The following CTNND2 variants were observed in gnomAD, a reference collection of about 807,000 sequenced individuals.
CTNND2 encodes catenin delta-2.
CTNND2 carries 22 observed loss-of-function variants against 144.4 expected under a neutral mutation model. The observed-to-expected ratio is 0.15, with a 90% CI of 0.11 to 0.22. The LOEUF is 0.22. Ranked by LOEUF, CTNND2 falls within the 10% of genes least tolerant of loss-of-function variation. CTNND2 has a pLI of 1.00. For synonymous variants in CTNND2, 751 were observed against 695.6 expected, an observed-to-expected ratio of 1.08 and a Z score of -1.25; for missense variants, 1,353 against 1,618.8, an observed-to-expected ratio of 0.84 and a Z score of 2.82.
At chr5:11,716,435 ATTAT>A (rs972542962) in intron 2 of CTNND2, among the ~76,000 whole-genome samples, 1 of 152,176 alleles carries the variant, frequency 6.6e-6, no homozygotes, top group African/African-American at 2.4e-5. Context: ...AATAAGAGAG[ATTAT>A]TTACTTTGGT....
chr5:11,361,145 C>A (rs572748184), intron 8 of CTNND2, among the ~76,000 whole-genome samples: 22 of 152,108 alleles, frequency 1.4e-4, no homozygotes, highest in Admixed American at 1.4e-3. Flanking sequence ...CTCAGCATCC[C>A]GAGTAGCTGG....
chr5:11,860,884 C>T (rs1399458642), intron 1 of CTNND2, among the ~76,000 whole-genome samples: 1 of 152,210 alleles, frequency 6.6e-6, no homozygotes, highest in East Asian at 1.9e-4. Flanking sequence ...GCCATCTACA[C>T]ATTACTATAA....
At position 11,876,715 on chromosome 5, in the gene CTNND2, T is replaced by C. The variant is rs114001123; in HGVS notation, c.37+27102A>G. Among the ~76,000 whole-genome samples, 1,351 of 152,338 alleles carry C rather than the reference T, an allele frequency of 8.9e-3. 17 individuals carry two copies. The highest frequency in any genetic ancestry group is 0.031 in the African/African-American group (1,292 of 41,580). On this transcript the variant is annotated intron_variant, in intron 1 of 21. Coordinates refer to ENST00000304623, the MANE Select transcript of CTNND2 (RefSeq NM_001332.4). ...AATAATGATGTAGATTGAAAAGGTGTTCAAAGCTAGCATTGTTTAAGTTTA... is the reference window on the plus strand; with the variant it reads ...AATAATGATGTAGATTGAAAAGGTGCTCAAAGCTAGCATTGTTTAAGTTTA...
chr5:11,269,761 A>G (rs1248059705), intron 9 of CTNND2, among the ~76,000 whole-genome samples: 1 of 152,202 alleles, frequency 6.6e-6, no homozygotes, highest in African/African-American at 2.4e-5. Context: ...CTGCAGAATG[A>G]TTTTTACAGG....
chr5:11,008,205 T>A (rs565182543), intron 18 of CTNND2, among the ~76,000 whole-genome samples: 1 of 152,286 alleles, frequency 6.6e-6, no homozygotes, highest in East Asian at 1.9e-4. Flanking sequence ...ATAGAAGATG[T>A]CACCATCCTA....
intron 12 of CTNND2, among the ~76,000 whole-genome samples, chr5:11,133,785 G>A (rs919360202): frequency 1.3e-5 from 2 of 152,212 alleles, no homozygotes; most frequent in Admixed American, 1.3e-4. Context: ...GAATAATGTT[G>A]GAAAATGCGT....
chr5:11,512,875 A>G (rs972798257), intron 3 of CTNND2, among the ~76,000 whole-genome samples: 3 of 152,214 alleles, frequency 2.0e-5, no homozygotes, highest in Non-Finnish European at 4.4e-5. Context: ...GAGAAAAGAC[A>G]GATGCTCCCA....
intron 16 of CTNND2, among the ~76,000 whole-genome samples, chr5:11,049,643 G>A (rs1000094781): frequency 6.6e-6 from 1 of 152,110 alleles, no homozygotes; most frequent in African/African-American, 2.4e-5. Context: ...TCATTACAAG[G>A]CTTCTTGAAA....
chr5:11,845,481 T>C (rs1794690656), intron 1 of CTNND2, among the ~76,000 whole-genome samples: 2 of 152,140 alleles, frequency 1.3e-5, no homozygotes, highest in Admixed American at 1.3e-4. Flanking sequence ...CCAATATGAC[T>C]AGTGTCCTTA....
At chr5:11,064,366 A>C (rs1321890248) in intron 16 of CTNND2, among the ~76,000 whole-genome samples, 1 of 152,150 alleles carries the variant, frequency 6.6e-6, no homozygotes, top group Non-Finnish European at 1.5e-5. Flanking sequence ...CTGAGCAGAG[A>C]CTAGATAACA....
chr5:10,990,272 C>G lies in CTNND2; in HGVS notation c.3212-2030G>C, dbSNP rs1056737109. Among the ~76,000 whole-genome samples, 21 of 152,300 alleles carry G rather than the reference C, an allele frequency of 1.4e-4. No homozygotes were observed. The East Asian group carries it at 4.0e-3, about 29-fold the overall frequency. ...GGCCATCTCTGTCCCGAATGTGAAT[C>G]TGGGGAGATGTGAGGGGCAGCCACT... On this transcript the variant is annotated intron_variant, in intron 19 of 21. Transcript: ENST00000304623.
At chr5:11,637,654 T>C (rs1343181578) in intron 2 of CTNND2, among the ~76,000 whole-genome samples, 1 of 152,186 alleles carries the variant, frequency 6.6e-6, no homozygotes. Flanking sequence ...ACATTTATAT[T>C]TTAGTAACAT....
At chr5:11,798,259 C>CAAA (rs78238644) in intron 1 of CTNND2, among the ~76,000 whole-genome samples, 2 of 60,454 alleles carry the variant, frequency 3.3e-5, no homozygotes, top group Non-Finnish European at 7.0e-5. Context: ...GAGACTGTTT[C>CAAA]AAAAAAAAAA....
intron 1 of CTNND2, among the ~76,000 whole-genome samples, chr5:11,859,186 T>C (rs769405891): frequency 4.6e-5 from 7 of 152,182 alleles, no homozygotes; most frequent in Non-Finnish European, 8.8e-5. Flanking sequence ...CTTTCCTGTA[T>C]GGAGTCTTCA....
At chr5:11,514,724 C>T (rs1171133700) in intron 3 of CTNND2, among the ~76,000 whole-genome samples, 2 of 152,202 alleles carry the variant, frequency 1.3e-5, no homozygotes, top group Non-Finnish European at 2.9e-5. Context: ...CTAAAGTACC[C>T]ATTTGCTTCG....
At chr5:11,562,214 T>C (rs1349980546) in intron 3 of CTNND2, among the ~76,000 whole-genome samples, 2 of 152,216 alleles carry the variant, frequency 1.3e-5, no homozygotes, top group African/African-American at 4.8e-5. Context: ...AAGAAACTCT[T>C]TTACTCACTC....
chr5:11,526,601 A>C (rs1465573269), intron 3 of CTNND2, among the ~76,000 whole-genome samples: 1 of 152,198 alleles, frequency 6.6e-6, no homozygotes, highest in Non-Finnish European at 1.5e-5. Context: ...CCTCTTCTAA[A>C]CATGTCTAAG....
chr5:11,422,220 T>A (rs183423077), intron 3 of CTNND2, among the ~76,000 whole-genome samples: 172 of 142,710 alleles, frequency 1.2e-3, no homozygotes, highest in African/African-American at 4.7e-3. Flanking sequence ...TCTACCTTTT[T>A]TTCCCCCACG....
intron 3 of CTNND2, among the ~76,000 whole-genome samples, chr5:11,438,252 C>T (rs1198227060): frequency 1.3e-5 from 2 of 152,160 alleles, no homozygotes; most frequent in East Asian, 3.9e-4. Context: ...TATATATTTC[C>T]ATTTCTTTTG....
Sources: gnomAD v4.1 joint callset for allele counts (sites outside exome capture counted in the v4.1 genomes callset) on GRCh38, gnomAD v4.1.1 for gene constraint, MANE v1.5 for transcripts, NCBI Gene and HGNC (gene_info 2026-07-23, HGNC 2026-07-21) for gene names.